ACADSB: variants seen among roughly 807,000 people sequenced by gnomAD.
The protein encoded by ACADSB is acyl-CoA dehydrogenase short/branched chain, also known as short/branched chain specific acyl-CoA dehydrogenase, mitochondrial.
In ACADSB, 40 loss-of-function variants were observed where a neutral mutation model predicts 54.1. The ratio of observed to expected loss-of-function variants is 0.74; its 90% CI spans 0.57 to 0.96. The LOEUF (loss-of-function observed/expected upper bound fraction) is 0.96. Among genes scored for constraint, ACADSB ranks in the 40% least tolerant of loss-of-function variants. The pLI, the probability that ACADSB is intolerant of heterozygous loss-of-function variation, is 0.00. For missense variants in ACADSB, 530 were observed against 510.4 expected, an observed-to-expected ratio of 1.04 and a Z score of -0.37; for synonymous variants, 182 against 182.8, an observed-to-expected ratio of 1.00 and a Z score of 0.03.
intron 1 of ACADSB, among the ~76,000 whole-genome samples, chr10:123,033,398 C>T (rs1199064102): frequency 1.3e-5 from 2 of 151,638 alleles, no homozygotes; most frequent in South Asian, 2.1e-4. Context: ...GACTTTTCAG[C>T]GTGTAATCAA....
At position 123,058,208 on chromosome 10, in the gene ACADSB, A is replaced by G. The variant is rs574998476; in HGVS notation, c.*4443A>G. ...GAATGGTATGTATCGGATTGTTTTA[A>G]TGTTATATATTGGATTGTATTCGAT... On this transcript the variant is annotated 3_prime_UTR_variant, in exon 11 of 11. Coordinates refer to ENST00000358776, the MANE Select transcript of ACADSB (RefSeq NM_001609.4). 8.5e-5 allele frequency: 13 copies of G among 152,268 alleles called. No individual in the cohort carries two copies. Among genetic ancestry groups the G allele is most frequent in the Middle Eastern group, 3.4e-3 (1 of 294 alleles). The allele number at this position is 152,268 out of a possible 1,614,324, so 9.4% of individuals were successfully genotyped here.
chr10:123,009,060 G>A lies in ACADSB; in HGVS notation c.31G>A (p.Gly11Ser), dbSNP rs1348088346. The A allele has an allele frequency of 1.3e-6, 2 of 1,547,610 alleles. No homozygotes were observed. Among genetic ancestry groups the A allele is most frequent in the Non-Finnish European group, 1.7e-6 (2 of 1,146,766 alleles). The change falls in exon 1 of 11, where the codon GGC becomes AGC. Residue 11 changes from glycine (G) to serine (S), a missense_variant. Gly to Ser is a moderately conservative substitution (Grantham distance 56). Transcript: ENST00000358776. ...GGGCCTGGCAGTGCGGTTGCTGCGC[G>A]GCAGCAGGCTGGTGAGTGCGTTCGA... MEGLAVRLLR[G>S]SRLLRRNFLT...
intron 2 of ACADSB, among the ~76,000 whole-genome samples, chr10:123,035,163 A>G (rs1850382121): frequency 6.6e-6 from 1 of 152,026 alleles, no homozygotes; most frequent in Non-Finnish European, 1.5e-5. Context: ...TCACCGTGTT[A>G]GTCAGGATGG....
intron 8 of ACADSB, 66 bp downstream of exon 8, chr10:123,047,364 T>G (rs2133488650): frequency 8.7e-7 from 1 of 1,151,324 alleles, no homozygotes. Flanking sequence ...TGAAGGGCTG[T>G]GTTGAAATCC....
intron 4 of ACADSB, 85 bp from the exon 5 acceptor site, chr10:123,041,124 A>G (rs1222098289): frequency 7.1e-7 from 1 of 1,409,732 alleles, no homozygotes. Context: ...GATTTGATTT[A>G]CAAATGTCCA....
chr10:123,038,764 TC>T (rs1364245803), intron 3 of ACADSB, among the ~76,000 whole-genome samples: 1 of 152,220 alleles, frequency 6.6e-6, no homozygotes, highest in Non-Finnish European at 1.5e-5. Context: ...TAGTGATTCT[TC>T]CATCTTTCTT....
chr10:123,053,141 C>T lies in ACADSB; in HGVS notation c.1209C>T (p.Tyr403=), dbSNP rs1437699485. ...CCAAAGATTACCCTGTGGAGAAATA[C>T]TTCCGAGATGCAAAGATTGGTAAAT... is the stretch of plus-strand genomic sequence containing the variant. The part of the protein sequence containing the change: ...GYTKDYPVEK[Y]FRDAKIGTIY... Residue 403 remains tyrosine (Y), a synonymous_variant, in exon 10 of 11, where the codon TAC becomes TAT. Transcript: ENST00000358776. The T allele has an allele frequency of 1.2e-6, 2 of 1,611,278 alleles. No homozygotes were observed. The highest frequency in any genetic ancestry group is 1.7e-6 in the Non-Finnish European group (2 of 1,178,498).
chr10:123,037,970 C>A, intron 3 of ACADSB, 123 bp downstream of exon 3: 1 of 758,534 alleles, frequency 1.3e-6, no homozygotes, highest in Non-Finnish European at 2.2e-6. Flanking sequence ...GGTTGAAATC[C>A]TACTTGATAT....
chr10:123,053,546 A>G, intron 10 of ACADSB, 149 bp from the exon 11 acceptor site: 1 of 750,958 alleles, frequency 1.3e-6, no homozygotes, highest in Non-Finnish European at 2.3e-6. Flanking sequence ...AGTCAAAATT[A>G]CTGTGAAATA....
chr10:123,020,947 G>A (rs1371688909), intron 1 of ACADSB, among the ~76,000 whole-genome samples: 2 of 152,140 alleles, frequency 1.3e-5, no homozygotes, highest in Non-Finnish European at 1.5e-5. Context: ...AGGTTGCAGT[G>A]AGCCAAGATC....
chr10:123,043,379 TC>T (rs1850502436), intron 6 of ACADSB, among the ~76,000 whole-genome samples: 1 of 152,240 alleles, frequency 6.6e-6, no homozygotes, highest in African/African-American at 2.4e-5. Context: ...CAAGAAGCTG[TC>T]CTGGGAAGCA....
intron 1 of ACADSB, among the ~76,000 whole-genome samples, chr10:123,012,496 T>C (rs1014091284): frequency 6.6e-6 from 1 of 152,174 alleles, no homozygotes; most frequent in Non-Finnish European, 1.5e-5. Context: ...ACCCTCGCGG[T>C]GAGTGCTACA....
Position 123,047,285 on chromosome 10 carries a change from T to C in ACADSB, c.977T>C (p.Leu326Pro). The change falls in exon 8 of 11, where the codon CTA (leucine) becomes CCA (proline). Residue 326 changes from leucine to proline, a missense_variant. Transcript: ENST00000358776. ...IKERIQFGKR[L>P]FDFQGLQHQV... ...GAAAGGATACAATTTGGCAAAAGAC[T>C]ATTTGATTTTCAGGTATGTAATTAT... 6.3e-7 allele frequency: 1 copy of C among 1,584,152 alleles called. No homozygotes were observed. The highest frequency in any genetic ancestry group is 1.7e-5 in the Admixed American group (1 of 59,968).
chr10:123,019,425 T>C (rs1016667176), intron 1 of ACADSB, among the ~76,000 whole-genome samples: 1 of 152,198 alleles, frequency 6.6e-6, no homozygotes, highest in Non-Finnish European at 1.5e-5. Flanking sequence ...GGCTACAAGA[T>C]CAATAACAAG....
intron 1 of ACADSB, among the ~76,000 whole-genome samples, chr10:123,021,829 T>C (rs1401986320): frequency 6.6e-6 from 1 of 152,170 alleles, no homozygotes; most frequent in Admixed American, 6.5e-5. Context: ...CACTTTTAAT[T>C]CTTGGGGTTC....
rs1221524756 is a variant in ACADSB at position 123,047,239 on chromosome 10, T to C, written c.931T>C (p.Tyr311His). The C allele has an allele frequency of 1.2e-6, 2 of 1,609,444 alleles. No individual in the cohort carries two copies. Among genetic ancestry groups the C allele is most frequent in the Admixed American group, 1.7e-5 (1 of 60,020 alleles). ...MLGLAQGCFD[Y>H]TIPYIKERIQ... ...GGGACTGGCGCAAGGATGTTTTGAC[T>C]ACACTATTCCATATATTAAAGAAAG... Residue 311 changes from tyrosine to histidine, a missense_variant, in exon 8 of 11, where the codon TAC (tyrosine) becomes CAC (histidine). By Grantham distance (83) the Tyr-to-His change is moderately conservative (BLOSUM62 2). Coordinates refer to ENST00000358776, the MANE Select transcript of ACADSB (RefSeq NM_001609.4).
Position 123,043,068 on chromosome 10 carries a change from T to C in ACADSB, c.704T>C (p.Phe235Ser). ...PTIGYKGITS[F>S]LVDRDTPGLH... ...TAGGGATATAAGGGAATTACCTCCT[T>C]CTTAGTAGATCGTGATACTCCGGGC... Residue 235 changes from phenylalanine (F) to serine (S), a missense_variant, in exon 6 of 11, where the codon TTC becomes TCC. Phe to Ser is a radical substitution (Grantham distance 155). Transcript: ENST00000358776. 1 of 1,613,886 alleles carries C rather than the reference T, an allele frequency of 6.2e-7. No homozygotes were observed. Among genetic ancestry groups the C allele is most frequent in the Non-Finnish European group, 8.5e-7 (1 of 1,179,804 alleles).
intron 1 of ACADSB, among the ~76,000 whole-genome samples, chr10:123,013,897 C>T (rs879876722): frequency 2.0e-5 from 3 of 152,228 alleles, no homozygotes; most frequent in Non-Finnish European, 4.4e-5. Flanking sequence ...CCACACCTCC[C>T]CGCAAGCCGA....
chr10:123,037,519 C>T lies in ACADSB; in HGVS notation c.203-228C>T, dbSNP rs1158714624. On this transcript the variant is annotated intron_variant, in intron 2 of 10. Transcript: ENST00000358776. The stretch of plus-strand genomic sequence containing the variant: ...GCTTTCTTTATTGCTTGTGTTTTTG[C>T]ACCATCTACACATATCATTTATTTT... Among the ~76,000 whole-genome samples, 4 of 151,922 alleles carry T rather than the reference C, an allele frequency of 2.6e-5. 1 individual carries two copies. The highest frequency in any genetic ancestry group is 5.9e-5 in the Non-Finnish European group (4 of 68,002).
Sources: gnomAD v4.1 joint callset for allele counts (sites outside exome capture counted in the v4.1 genomes callset) on GRCh38, gnomAD v4.1.1 for gene constraint, MANE v1.5 for transcripts, NCBI Gene and HGNC (gene_info 2026-07-23, HGNC 2026-07-21) for gene names.